The following NBEA variants were observed in gnomAD, a reference collection of about 807,000 sequenced individuals.
The protein encoded by NBEA is lysosomal-trafficking regulator 2.
NBEA carries 44 observed loss-of-function variants against 343.4 expected under a neutral mutation model. The observed-to-expected ratio is 0.13, with a 90% CI of 0.10 to 0.16. The LOEUF is 0.16. Among genes scored for constraint, NBEA ranks in the 10% least tolerant of loss-of-function variants. NBEA has a pLI of 1.00. For synonymous variants in NBEA, 1,175 were observed against 1,238.7 expected, an observed-to-expected ratio of 0.95 and a Z score of 1.08; for missense variants, 2,555 against 3,631.3, an observed-to-expected ratio of 0.70 and a Z score of 7.62.
chr13:35,511,347 T>C (rs988050737), intron 41 of NBEA, among the ~76,000 whole-genome samples: 6 of 152,182 alleles, frequency 3.9e-5, no homozygotes, highest in African/African-American at 1.4e-4. Flanking sequence ...ATAATGTATT[T>C]ATTGGTGATT....
At chr13:35,293,819 T>A (rs1323981385) in intron 35 of NBEA, among the ~76,000 whole-genome samples, 1 of 152,038 alleles carries the variant, frequency 6.6e-6, no homozygotes, top group African/African-American at 2.4e-5. Flanking sequence ...TGTTATCCCA[T>A]AGCATTTCTG....
At chr13:35,458,562 A>C (rs548862013) in intron 40 of NBEA, among the ~76,000 whole-genome samples, 2 of 152,198 alleles carry the variant, frequency 1.3e-5, no homozygotes, top group African/African-American at 4.8e-5. Context: ...TTATCAGACT[A>C]TCTGCTCATA....
intron 7 of NBEA, among the ~76,000 whole-genome samples, chr13:35,057,530 C>G (rs2063316615): frequency 6.6e-6 from 1 of 151,914 alleles, no homozygotes; most frequent in South Asian, 2.1e-4. Flanking sequence ...TCTGTCTGTC[C>G]CTTTATAGAA....
intron 41 of NBEA, chr13:35,475,571 G>C (rs747074500): frequency 6.2e-7 from 1 of 1,613,462 alleles, no homozygotes; most frequent in Non-Finnish European, 8.5e-7. Context: ...GGGATGTGGG[G>C]AAGTGGCCAG....
At chr13:35,578,509 C>T (rs1239844520) in intron 45 of NBEA, among the ~76,000 whole-genome samples, 1 of 152,080 alleles carries the variant, frequency 6.6e-6, no homozygotes, top group Non-Finnish European at 1.5e-5. Context: ...AATAAAGTCA[C>T]ATTAAGATCA....
chr13:35,576,063 C>T (rs969448687), intron 45 of NBEA, among the ~76,000 whole-genome samples: 9 of 151,452 alleles, frequency 5.9e-5, no homozygotes, highest in Middle Eastern at 7.0e-3. Flanking sequence ...TTTTGATGTA[C>T]GCTGATTCAA....
chr13:35,228,447 G>A (rs2074787482), intron 33 of NBEA, among the ~76,000 whole-genome samples: 1 of 151,130 alleles, frequency 6.6e-6, no homozygotes, highest in Admixed American at 6.6e-5. Context: ...TTGCGTAGTT[G>A]TGAAGTCTGG....
chr13:34,991,053 G>T (rs2060733442), intron 1 of NBEA, among the ~76,000 whole-genome samples: 1 of 152,180 alleles, frequency 6.6e-6, no homozygotes. Context: ...GACTACTTCA[G>T]CCTGGACTTC....
intron 10 of NBEA, among the ~76,000 whole-genome samples, chr13:35,084,483 C>G (rs925897686): frequency 2.0e-5 from 3 of 152,174 alleles, no homozygotes; most frequent in African/African-American, 7.2e-5. Context: ...TGAATGACTA[C>G]TGGGTAAATA....
At chr13:35,142,923 G>A (rs2068175183) in intron 18 of NBEA, among the ~76,000 whole-genome samples, 2 of 152,188 alleles carry the variant, frequency 1.3e-5, no homozygotes, top group South Asian at 4.2e-4. Flanking sequence ...TAGGAAATAG[G>A]TATACTACCT....
At chr13:35,407,368 A>G (rs2043325650) in intron 38 of NBEA, among the ~76,000 whole-genome samples, 2 of 152,166 alleles carry the variant, frequency 1.3e-5, no homozygotes, top group Non-Finnish European at 2.9e-5. Flanking sequence ...AGGGAATGAT[A>G]ACCAAGAGAC....
At chr13:34,990,504 G>A (rs533681814) in intron 1 of NBEA, among the ~76,000 whole-genome samples, 2 of 151,184 alleles carry the variant, frequency 1.3e-5, no homozygotes, top group South Asian at 4.2e-4. Context: ...CACAGCTGGA[G>A]CTGGAGAAGC....
intron 13 of NBEA, among the ~76,000 whole-genome samples, chr13:35,116,908 A>C (rs1342647128): frequency 6.6e-6 from 1 of 152,050 alleles, no homozygotes; most frequent in Non-Finnish European, 1.5e-5. Context: ...AATGCCCACT[A>C]TAATATGTAT....
intron 38 of NBEA, among the ~76,000 whole-genome samples, chr13:35,431,935 A>G (rs2045141354): frequency 6.6e-6 from 1 of 152,164 alleles, no homozygotes; most frequent in South Asian, 2.1e-4. Flanking sequence ...CTGTACCATT[A>G]CTACGGTGTA....
intron 41 of NBEA, among the ~76,000 whole-genome samples, chr13:35,543,433 T>G (rs573768037): frequency 6.6e-6 from 1 of 152,330 alleles, no homozygotes; most frequent in East Asian, 1.9e-4. Flanking sequence ...TTGTCAGAAG[T>G]TATTTTTAAT....
At chr13:35,516,914 C>T (rs1322491144) in intron 41 of NBEA, among the ~76,000 whole-genome samples, 1 of 152,160 alleles carries the variant, frequency 6.6e-6, no homozygotes, top group East Asian at 1.9e-4. Flanking sequence ...AGTTATTTCT[C>T]CAAGCTCACA....
At chr13:35,212,369 T>G (rs1328142857) in intron 33 of NBEA, among the ~76,000 whole-genome samples, 1 of 152,194 alleles carries the variant, frequency 6.6e-6, no homozygotes, top group Non-Finnish European at 1.5e-5. Flanking sequence ...TTTTATTTAT[T>G]TATGTGTCTA....
chr13:35,001,129 A>G lies in NBEA; in HGVS notation c.295-39804A>G, dbSNP rs551515207. Among the ~76,000 whole-genome samples the G allele has an allele frequency of 1.6e-4, 24 of 152,130 alleles. No individual in the cohort carries two copies. In the East Asian group the frequency reaches 4.1e-3, roughly 26 times the overall value. On this transcript the variant is annotated intron_variant, in intron 1 of 58. Transcript: ENST00000379939. ...TGGCGTAGTTCTTAAATCTTTTCAA[A>G]CTTCTATTAAAAATAATAACTAGGG...
chr13:35,005,374 G>A (rs549740296), intron 1 of NBEA, among the ~76,000 whole-genome samples: 23 of 152,224 alleles, frequency 1.5e-4, no homozygotes, highest in African/African-American at 5.5e-4. Context: ...GCATCCACCT[G>A]TCTTGCTTCT....
Sources: allele counts gnomAD v4.1 joint callset (sites outside exome capture counted in the v4.1 genomes callset), GRCh38; gene constraint gnomAD v4.1.1; transcripts MANE v1.5; gene names NCBI Gene and HGNC (gene_info 2026-07-23, HGNC 2026-07-21).